Variants in ZNF536 observed in about 807,000 individuals in gnomAD.
ZNF536 encodes the protein zinc finger protein 536.
Under a neutral mutation model 84.5 loss-of-function variants are expected in ZNF536, and 13 were observed. The observed-to-expected ratio is 0.15, with a 90% confidence interval of 0.10 to 0.24. The LOEUF (loss-of-function observed/expected upper bound fraction) is 0.24. ZNF536 is among the 10% of genes least tolerant of loss of function. The pLI is 1.00. For synonymous variants in ZNF536, 811 were observed against 742.5 expected (o/e 1.09, Z -1.50); for missense variants, 1,536 against 1,747.5 (o/e 0.88, Z 2.16).
Position 30,595,051 on chromosome 19 carries a change from G to A in ZNF536, c.169+45537G>A, listed in dbSNP as rs537468327. Reference sequence around the variant, plus strand: ...GGTGCAGGTGGCTGCAGTGGGCACCGCACAGAGGTAGGTCTCAAAGTGTGG... The same window carrying A: ...GGTGCAGGTGGCTGCAGTGGGCACCACACAGAGGTAGGTCTCAAAGTGTGG... On this transcript the variant is annotated intron_variant, in intron 1 of 1. Coordinates refer to the ZNF536 transcript ENST00000592773. Among the ~76,000 whole-genome samples the A allele has an allele frequency of 1.7e-4, 25 of 151,164 alleles. No homozygotes were observed. In the East Asian group the frequency reaches 1.9e-3, roughly 12 times the overall value.
At chr19:30,618,139 G>A (rs2048367086) in intron 1 of ZNF536, among the ~76,000 whole-genome samples, 1 of 152,014 alleles carries the variant, frequency 6.6e-6, no homozygotes, top group Non-Finnish European at 1.5e-5. Flanking sequence ...CTTACTTTTT[G>A]TATTTGTTTT....
chr19:30,688,364 GGACTTTTGTAAATGTCAGCT>G (rs2051280282), intron 1 of ZNF536, among the ~76,000 whole-genome samples: 1 of 152,126 alleles, frequency 6.6e-6, no homozygotes. Flanking sequence ...GAGTGTCAAG[GGACTTTTGTAAATGTCAGCT>G]GAGTTTCGGC....
intron 1 of ZNF536, chr19:30,436,492 G>T: frequency 1.0e-6 from 1 of 984,262 alleles, no homozygotes; most frequent in Non-Finnish European, 1.2e-6. Flanking sequence ...AAATGCACTT[G>T]CTCAGCATAG....
chr19:30,612,633 AG>A (rs1044889683), intron 1 of ZNF536, among the ~76,000 whole-genome samples: 2 of 152,242 alleles, frequency 1.3e-5, no homozygotes, highest in Non-Finnish European at 2.9e-5. Context: ...TGGGACTTCC[AG>A]GAACATTTTT....
intron 1 of ZNF536, among the ~76,000 whole-genome samples, chr19:30,436,990 G>T (rs1048464486): frequency 7.2e-5 from 11 of 152,202 alleles, no homozygotes; most frequent in Admixed American, 6.5e-5. Context: ...AATATATTTA[G>T]TTGTGCTTGG....
intron 3 of ZNF536, among the ~76,000 whole-genome samples, chr19:30,540,242 C>G (rs1161463298): frequency 6.6e-6 from 1 of 152,130 alleles, no homozygotes; most frequent in African/African-American, 2.4e-5. Context: ...TGGCTGGGCT[C>G]TCACCTGTAT....
intron 3 of ZNF536, among the ~76,000 whole-genome samples, chr19:30,361,804 C>A: frequency 7.7e-6 from 1 of 129,380 alleles, no homozygotes; most frequent in African/African-American, 2.9e-5. Context: ...GCAAGGCAGG[C>A]GTCCTCCAGG....
intron 1 of ZNF536, among the ~76,000 whole-genome samples, chr19:30,409,306 T>C (rs1343412318): frequency 6.6e-6 from 1 of 152,188 alleles, no homozygotes; most frequent in African/African-American, 2.4e-5. Flanking sequence ...CTGCCAATAG[T>C]CTGCAGCAGG....
chr19:30,270,189 T>C (rs562161403), intron 1 of ZNF536, among the ~76,000 whole-genome samples: 152 of 152,306 alleles, frequency 1.0e-3, no homozygotes, highest in African/African-American at 3.6e-3. Flanking sequence ...CAGCCGACAA[T>C]TCTTCGTGGA....
chr19:30,673,103 G>A (rs2050619629), intron 1 of ZNF536, among the ~76,000 whole-genome samples: 1 of 152,162 alleles, frequency 6.6e-6, no homozygotes, highest in South Asian at 2.1e-4. Context: ...GAGGACTCCA[G>A]TGCCCCTGTC....
intron 2 of ZNF536, among the ~76,000 whole-genome samples, chr19:30,454,165 G>A (rs33438): frequency 0.49 from 75,049 of 152,152 alleles, 19,883 homozygotes; most frequent in Non-Finnish European, 0.6. Context: ...GGGGCCCAGG[G>A]CATTTCACGG....
chr19:30,595,488 A>G (rs1053573818), intron 1 of ZNF536, among the ~76,000 whole-genome samples: 10 of 151,802 alleles, frequency 6.6e-5, no homozygotes, highest in African/African-American at 2.4e-4. Context: ...GGGTCTCTCT[A>G]TGTTGCCCAG....
chr19:30,597,140 T>C (rs1221798166), intron 1 of ZNF536, among the ~76,000 whole-genome samples: 1 of 152,260 alleles, frequency 6.6e-6, no homozygotes, highest in African/African-American at 2.4e-5. Context: ...GAAAGATCCC[T>C]GCACCAGTGC....
rs114150736 is a variant in ZNF536, at chr19:30,534,938, G to T, written c.2262G>T (p.Pro754=). 1 of 1,613,738 alleles carries T rather than the reference G, an allele frequency of 6.2e-7. No individual in the cohort carries two copies. Among genetic ancestry groups the T allele is most frequent in the Non-Finnish European group, 8.5e-7 (1 of 1,179,850 alleles). Residue 754 remains proline (P), a synonymous_variant, in exon 3 of 5, where the codon CCG becomes CCT. Transcript: ENST00000355537. ...TGGGCTCGGCCATGAAGGACTGCCC[G>T]TACTGTGGGAAAACTTTCCGGACAT... ...RSLGSAMKDC[P]YCGKTFRTSH...
chr19:30,547,715 T>C (rs922933108), intron 3 of ZNF536, among the ~76,000 whole-genome samples: 7 of 152,220 alleles, frequency 4.6e-5, no homozygotes, highest in Non-Finnish European at 8.8e-5. Flanking sequence ...AAGAAAAAGA[T>C]AGCTAATTGT....
chr19:30,491,005 G>A (rs970088293), intron 2 of ZNF536, among the ~76,000 whole-genome samples: 6 of 152,030 alleles, frequency 3.9e-5, no homozygotes, highest in African/African-American at 1.4e-4. Context: ...GTTAGGAGGC[G>A]GGGGAAGGTG....
At position 30,504,334 on chromosome 19, in the gene ZNF536, TTTCC is replaced by T. The variant is rs1438451554; in HGVS notation, c.2171-30499_2171-30496del. Among the ~76,000 whole-genome samples the T allele has an allele frequency of 8.7e-4, 117 of 134,530 alleles. 1 individual carries two copies. The highest frequency in any genetic ancestry group is 3.0e-3 in the African/African-American group (108 of 36,198). 88.3% of individuals were successfully genotyped at this position (134,530 alleles called of 152,430 possible). On this transcript the variant is annotated intron_variant, in intron 2 of 4. Coordinates refer to ENST00000355537, the MANE Select transcript of ZNF536 (RefSeq NM_014717.3). ...CCCTCCCACCAGCCTCCTTCCCTAT[TTTCC>T]TTCCTTCCTTCCTACTTCCTTCTCC...
intron 1 of ZNF536, among the ~76,000 whole-genome samples, chr19:30,283,744 A>AGAGAGG (rs1555710356): frequency 1.1e-5 from 1 of 90,652 alleles, no homozygotes; most frequent in Non-Finnish European, 2.0e-5. Flanking sequence ...AGAGAGAGGG[A>AGAGAGG]GAGAGAGAGA....
In ZNF536 at chr19:30,266,819, GA is replaced by G. The variant is rs1447368130; in HGVS notation, c.-189-17252del. On this transcript the variant is annotated intron_variant, in intron 1 of 5. Coordinates refer to the ZNF536 transcript ENST00000585628. ...GAATGCATTTTAATTAAAATTAACG[GA>G]TTTTTTTTCTTGATCATATTTTAAC... Among the ~76,000 whole-genome samples the G allele has an allele frequency of 2.9e-4, 44 of 152,022 alleles. 1 individual carries two copies. Among genetic ancestry groups the G allele is most frequent in the Admixed American group, 2.9e-3 (44 of 15,240 alleles).
Sources: gnomAD v4.1 joint callset for allele counts (sites outside exome capture counted in the v4.1 genomes callset) on GRCh38, gnomAD v4.1.1 for gene constraint, MANE v1.5 for transcripts, NCBI Gene and HGNC (gene_info 2026-07-23, HGNC 2026-07-21) for gene names.